The following ELAVL2 variants were observed in gnomAD, a reference collection of about 807,000 sequenced individuals.
The protein encoded by ELAVL2 is ELAV like RNA binding protein 2, also known as ELAV-like protein 2.
Under a neutral mutation model 34.6 loss-of-function variants are expected in ELAVL2, and 4 were observed. The observed-to-expected ratio is 0.12, with a 90% CI of 0.06 to 0.26. The LOEUF (loss-of-function observed/expected upper bound fraction) is 0.26, where lower values mean the gene tolerates loss of function less well. Ranked by LOEUF, ELAVL2 falls within the 10% of genes least tolerant of loss-of-function variation. The pLI is 1.00. For missense variants in ELAVL2, 432 were observed against 442.8 expected, an observed-to-expected ratio of 0.98 and a Z score of 0.22; for synonymous variants, 193 against 154.8, an observed-to-expected ratio of 1.25 and a Z score of -1.83.
At chr9:23,777,110 T>C (rs1458467184) in intron 1 of ELAVL2, among the ~76,000 whole-genome samples, 2 of 152,196 alleles carry the variant, frequency 1.3e-5, no homozygotes, top group African/African-American at 2.4e-5. Context: ...TAGCAGTAAA[T>C]AGTCTTTAAC....
chr9:23,697,125 A>G (rs2035540149), intron 5 of ELAVL2, among the ~76,000 whole-genome samples: 1 of 152,042 alleles, frequency 6.6e-6, no homozygotes, highest in Non-Finnish European at 1.5e-5. Context: ...ATAACACAGC[A>G]AGCAGATATG....
intron 3 of ELAVL2, among the ~76,000 whole-genome samples, chr9:23,707,096 A>C (rs2039568486): frequency 6.6e-6 from 1 of 152,246 alleles, no homozygotes; most frequent in Non-Finnish European, 1.5e-5. Flanking sequence ...ATAACTATTC[A>C]TACGCTATTT....
chr9:23,701,658 A>G (rs1261634433), intron 4 of ELAVL2, 54 bp from the exon 5 acceptor site: 1 of 1,567,506 alleles, frequency 6.4e-7, no homozygotes, highest in African/African-American at 1.4e-5. Flanking sequence ...GGAGAAGGGA[A>G]GGAGAGAAGA....
At chr9:23,735,139 A>T (rs1317663018) in intron 2 of ELAVL2, 1 of 148,094 alleles carries the variant, frequency 6.8e-6, no homozygotes, top group African/African-American at 2.4e-5. Context: ...CCCTTAAGAA[A>T]AACAAATCCT....
At chr9:23,716,145 T>C (rs910663587) in intron 3 of ELAVL2, among the ~76,000 whole-genome samples, 1 of 122,740 alleles carries the variant, frequency 8.1e-6, no homozygotes, top group African/African-American at 3.1e-5. Flanking sequence ...GTGGGGAACA[T>C]CACACACCGG....
chr9:23,736,874 C>T (rs553716889), intron 2 of ELAVL2, among the ~76,000 whole-genome samples: 1 of 152,238 alleles, frequency 6.6e-6, no homozygotes, highest in South Asian at 2.1e-4. Context: ...CTTCTACTTT[C>T]GCTCATCTTC....
chr9:23,774,223 AAAAAAAAAAAAAAAAGAAAG>A (rs1329046970), intron 1 of ELAVL2, among the ~76,000 whole-genome samples: 1 of 148,624 alleles, frequency 6.7e-6, no homozygotes, highest in Non-Finnish European at 1.5e-5. Flanking sequence ...CAAAAAAAAA[AAAAAAAAAAAAAAAAGAAAG>A]AAAGAAAGAA....
At chr9:23,810,441 A>C (rs796810041) in intron 1 of ELAVL2, among the ~76,000 whole-genome samples, 96 of 152,272 alleles carry the variant, frequency 6.3e-4, no homozygotes, top group African/African-American at 1.8e-3. Flanking sequence ...CTGGTACAAC[A>C]ACCCCACCAC....
intron 1 of ELAVL2, chr9:23,779,255 CT>C: frequency 1.0e-6 from 1 of 985,398 alleles, no homozygotes; most frequent in Non-Finnish European, 1.2e-6. Context: ...TTTTCTGCTG[CT>C]TTTGGTTTAC....
At position 23,779,298 on chromosome 9, in the gene ELAVL2, A is replaced by G. The variant is rs1451485335; in HGVS notation, c.-15-17049T>C. ...AGAATCCCATGAAAACCTGCTTCAC[A>G]CTGGCAAAGTGGGCAGACAGAGGAA... On this transcript the variant is annotated intron_variant, in intron 1 of 6. Transcript: ENST00000397312. 3 of 985,328 alleles carry G rather than the reference A, an allele frequency of 3.0e-6. No homozygotes were observed. In the African/African-American group the frequency reaches 5.2e-5, roughly 17 times the overall value. The allele number at this position is 985,328 out of a possible 1,614,324, so 61.0% of individuals were successfully genotyped here. A position where few individuals can be genotyped will look rare whatever the true frequency, so the allele number is the denominator to read the frequency against.
chr9:23,754,964 A>C (rs10966068), intron 2 of ELAVL2, among the ~76,000 whole-genome samples: 15,246 of 152,130 alleles, frequency 0.1, 819 homozygotes, highest in Middle Eastern at 0.21. Flanking sequence ...AGTTCTGTAT[A>C]AACCAACCTT....
intron 1 of ELAVL2, among the ~76,000 whole-genome samples, chr9:23,778,689 G>T (rs955194078): frequency 6.6e-6 from 1 of 152,180 alleles, no homozygotes; most frequent in Admixed American, 6.5e-5. Flanking sequence ...CAGAGTACTG[G>T]GGGAGGGAGG....
At chr9:23,746,735 AG>A (rs2050584851) in intron 2 of ELAVL2, among the ~76,000 whole-genome samples, 1 of 151,848 alleles carries the variant, frequency 6.6e-6, no homozygotes, top group African/African-American at 2.4e-5. Flanking sequence ...CCAATACAGA[AG>A]GACCCTAATG....
At chr9:23,704,547 C>A (rs899059989) in intron 4 of ELAVL2, among the ~76,000 whole-genome samples, 1 of 151,890 alleles carries the variant, frequency 6.6e-6, no homozygotes, top group African/African-American at 2.4e-5. Flanking sequence ...TAGCTGCATA[C>A]CGCTGCATTA....
chr9:23,733,828 A>G (rs2047186321), intron 2 of ELAVL2, among the ~76,000 whole-genome samples: 1 of 152,192 alleles, frequency 6.6e-6, no homozygotes. Context: ...AGGTATTATC[A>G]TCATCACCAC....
rs148743920 is a variant in ELAVL2, at chr9:23,743,982, A to T, written c.230-12857T>A. Among the ~76,000 whole-genome samples, 550 of 152,322 alleles carry T rather than the reference A, an allele frequency of 3.6e-3. 2 individuals are homozygous for T. The highest frequency in any genetic ancestry group is 0.01 in the Middle Eastern group (3 of 294). ...TTCTCAGCTATTTGGGCCACATTAC[A>T]TGCCCACTTGGCAAACACATTTTAA... is the stretch of plus-strand genomic sequence containing the variant. On this transcript the variant is annotated intron_variant, in intron 2 of 6. Transcript: ENST00000397312.
chr9:23,827,621 A>C (rs1437057871), upstream of ELAVL2, among the ~76,000 whole-genome samples: 1 of 152,106 alleles, frequency 6.6e-6, no homozygotes, highest in Non-Finnish European at 1.5e-5. Flanking sequence ...ATTCCTTTAC[A>C]TATTTACAAC....
chr9:23,763,501 T>C (rs376374176), intron 1 of ELAVL2, among the ~76,000 whole-genome samples: 2 of 152,174 alleles, frequency 1.3e-5, no homozygotes, highest in Admixed American at 6.6e-5. Flanking sequence ...CAATTCTGAA[T>C]TGACGGGATG....
At chr9:23,821,764 G>C (rs2064801471) in intron 1 of ELAVL2, 1 of 150,090 alleles carries the variant, frequency 6.7e-6, no homozygotes, top group Admixed American at 6.6e-5. Context: ...CACCCGCGCC[G>C]CGCCGCGCCG....
Sources: gnomAD v4.1 joint callset for allele counts (sites outside exome capture counted in the v4.1 genomes callset) on GRCh38, gnomAD v4.1.1 for gene constraint, MANE v1.5 for transcripts, NCBI Gene and HGNC (gene_info 2026-07-23, HGNC 2026-07-21) for gene names.